Variants in BAZ2A observed in about 807,000 individuals in gnomAD.
BAZ2A encodes the protein bromodomain adjacent to zinc finger domain 2A, also known as bromodomain adjacent to zinc finger domain protein 2A.
BAZ2A carries 34 observed loss-of-function variants against 199.9 expected under a neutral mutation model. The ratio of observed to expected loss-of-function variants is 0.17; its 90% CI spans 0.13 to 0.23. The LOEUF (loss-of-function observed/expected upper bound fraction) is 0.23. Ranked by LOEUF, BAZ2A falls within the 10% of genes least tolerant of loss-of-function variation. BAZ2A has a pLI of 1.00. For synonymous variants in BAZ2A, 857 were observed against 883.9 expected (o/e 0.97, Z 0.54); for missense variants, 2,002 against 2,391.1 (o/e 0.84, Z 3.39).
rs766386574 is a variant in BAZ2A at position 56,600,188 on chromosome 12, G to A, written c.4892+13C>T. 5.5e-5 allele frequency: 89 copies of A among 1,612,446 alleles called. No homozygotes were observed. In the Middle Eastern group the frequency reaches 1.2e-3, roughly 21 times the overall value. On this transcript the variant is annotated intron_variant, in intron 24 of 28. Coordinates refer to ENST00000549884, the MANE Select transcript of BAZ2A (RefSeq NM_001300905.2). ...CTCTCCAAGACCAAGAATGGAGGGT[G>A]GGAGTCACTCACATCTCTGTAGTGG... is the stretch of plus-strand genomic sequence containing the variant.
rs768952335 is a variant in BAZ2A at position 56,603,522 on chromosome 12, C to T, written c.3217G>A (p.Glu1073Lys). 1 of 1,613,890 alleles carries T rather than the reference C, an allele frequency of 6.2e-7. No homozygotes were observed. Among genetic ancestry groups the T allele is most frequent in the African/African-American group, 1.3e-5 (1 of 74,922 alleles). The change falls in exon 17 of 29, where the codon GAG (glutamate) becomes AAG (lysine). Residue 1073 changes from glutamate (E) to lysine (K), a missense_variant and splice_region_variant. Glu to Lys is a moderately conservative substitution (Grantham distance 56). This residue lies in a region of BAZ2A where 1,081 missense variants were observed against 1,274.7 expected (regional missense o/e 0.85). Transcript: ENST00000549884. ...TTTCCTTGATCTTGGGCCAGTACCTCTCCATCTCTTCGACCCCTGCGGCCA... is the reference window on the plus strand; with the variant it reads ...TTTCCTTGATCTTGGGCCAGTACCTTTCCATCTCTTCGACCCCTGCGGCCA... ...VPGRRGRRDG[E>K]VDATASSIPE...
At chr12:56,629,585 T>C (rs1951226317) in intron 1 of BAZ2A, among the ~76,000 whole-genome samples, 1 of 151,954 alleles carries the variant, frequency 6.6e-6, no homozygotes, top group Non-Finnish European at 1.5e-5. Flanking sequence ...AGGAAGGCCC[T>C]CTCCTGATCT....
At chr12:56,605,479 T>A (rs1445449427) in intron 13 of BAZ2A, 152 bp from the exon 14 acceptor site, 1 of 849,820 alleles carries the variant, frequency 1.2e-6, no homozygotes, top group Non-Finnish European at 1.7e-6. Flanking sequence ...TGGAGTGCAG[T>A]GGCATGATCT....
At position 56,606,028 on chromosome 12, in the gene BAZ2A, T is replaced by C; in HGVS notation, c.2295A>G (p.Lys765=). ...EKEKGKTKQE[K]LKEKVKREKK... ...TTTCCCTCTTGACTTTTTCCTTCAGTTTTTCCTGCTTTGTCTTTCCTTTTT... is the reference window on the plus strand; with the variant it reads ...TTTCCCTCTTGACTTTTTCCTTCAGCTTTTCCTGCTTTGTCTTTCCTTTTT... The change falls in exon 13 of 29, where the codon AAA becomes AAG. Residue 765 remains lysine, a synonymous_variant. Transcript: ENST00000549884. The C allele has an allele frequency of 6.4e-7, 1 of 1,551,900 alleles. No individual in the cohort carries two copies. Among genetic ancestry groups the C allele is most frequent in the South Asian group, 1.2e-5 (1 of 84,062 alleles).
rs751377430 is a variant in BAZ2A at position 56,599,016 on chromosome 12, C to A, written c.5403-5G>T. ...TCCATCTCCATCAGGATAATCCTAT[C>A]ATTAGAGGGACAATGATGGCTCCAT... is the stretch of plus-strand genomic sequence containing the variant. On this transcript the variant is annotated splice_region_variant and splice_polypyrimidine_tract_variant and intron_variant, in intron 27 of 28. Transcript: ENST00000549884. 3.2e-5 allele frequency: 51 copies of A among 1,610,544 alleles called. No individual in the cohort carries two copies. In the South Asian group the frequency reaches 5.5e-4, roughly 17 times the overall value.
Position 56,598,942 on chromosome 12 carries a change from C to T in BAZ2A, c.5472G>A (p.Leu1824=). The change falls in exon 28 of 29, where the codon TTG becomes TTA. Residue 1824 remains leucine, a synonymous_variant. Transcript: ENST00000549884. The stretch of plus-strand genomic sequence containing the variant: ...TGATGATGCGCCGGTACCCACTCAC[C>T]AAACGTGGGTTCACAGGCTCTAGGA... The part of the protein sequence containing the change: ...WPFLEPVNPR[L]VSGYRRIIKN... 6.2e-7 allele frequency: 1 copy of T among 1,608,794 alleles called. No individual in the cohort carries two copies. Among genetic ancestry groups the T allele is most frequent in the Non-Finnish European group, 8.5e-7 (1 of 1,177,662 alleles).
upstream of BAZ2A, chr12:56,630,773 C>T: frequency 1.0e-6 from 1 of 985,478 alleles, no homozygotes; most frequent in Non-Finnish European, 1.2e-6. Context: ...GCCACCCACT[C>T]ACCTCTGTCC....
At chr12:56,633,579 C>T (rs1951370436), upstream of BAZ2A, among the ~76,000 whole-genome samples, 3 of 152,272 alleles carry the variant, frequency 2.0e-5, no homozygotes, top group Admixed American at 6.5e-5. Flanking sequence ...ATCTGTCTAG[C>T]AGGGAGATGG....
chr12:56,610,653 C>T lies in BAZ2A; in HGVS notation c.1671-136G>A, dbSNP rs1195215849. 8.2e-6 allele frequency: 6 copies of T among 733,134 alleles called. No homozygotes were observed. In the African/African-American group the frequency reaches 1.1e-4, roughly 13 times the overall value. 45.4% of individuals were successfully genotyped at this position (733,134 alleles called of 1,614,324 possible). The stretch of plus-strand genomic sequence containing the variant: ...AGAACTGCATGCAGATGCAAAAGCA[C>T]CAAGAGAGATAAGCTTGGCTAGAAG... On this transcript the variant is annotated intron_variant, in intron 7 of 28. Transcript: ENST00000549884.
chr12:56,605,952 G>C lies in BAZ2A; in HGVS notation c.2371C>G (p.Pro791Ala). 6.4e-7 allele frequency: 1 copy of C among 1,557,438 alleles called. No homozygotes were observed. Reference sequence around the variant, plus strand: ...AGGGTCTTATCTGCTTTACAGGCTGGCTTGGCTTTGGTCACCTCCTCCTTT... The same window carrying C: ...AGGGTCTTATCTGCTTTACAGGCTGCCTTGGCTTTGGTCACCTCCTCCTTT... Reference protein sequence around the residue: ...KEKEEVTKAKPACKADKTLAT... With the variant: ...KEKEEVTKAKAACKADKTLAT... Residue 791 changes from proline (P) to alanine (A), a missense_variant, in exon 13 of 29, where the codon CCA (proline) becomes GCA (alanine). This residue lies in a region of BAZ2A where 1,081 missense variants were observed against 1,274.7 expected (regional missense o/e 0.85). Coordinates refer to ENST00000549884, the MANE Select transcript of BAZ2A (RefSeq NM_001300905.2).
chr12:56,601,405 G>A lies in BAZ2A; in HGVS notation c.4072-3C>T. The A allele has an allele frequency of 1.9e-6, 3 of 1,611,776 alleles. No homozygotes were observed. Among genetic ancestry groups the A allele is most frequent in the Non-Finnish European group, 2.5e-6 (3 of 1,178,802 alleles). ...TTGGCAGCACTAGGTCTATTCATCT[G>A]TGAATAAAATGAGACATAAGGAAAT... On this transcript the variant is annotated splice_polypyrimidine_tract_variant and splice_region_variant and intron_variant, in intron 20 of 28. Coordinates refer to ENST00000549884, the MANE Select transcript of BAZ2A (RefSeq NM_001300905.2).
In BAZ2A at chr12:56,606,715, T is replaced by G; in HGVS notation, c.2111A>C (p.Asp704Ala). The change falls in exon 11 of 29, where the codon GAT becomes GCT. Residue 704 changes from aspartate to alanine, a missense_variant. Around this residue, in one of 6 missense-constraint regions of BAZ2A, gnomAD observed 1,081 missense variants for 1,274.7 expected, o/e 0.85. Coordinates refer to ENST00000549884, the MANE Select transcript of BAZ2A (RefSeq NM_001300905.2). ...CTTGCTTTTAGCAATCTTTGCTTTA[T>G]CCTCCTCATTCAATGTTTCTGTGAG... ...LEAQETLNEEDKAKIAKSKKK... is the reference protein window; with the variant it reads ...LEAQETLNEEAKAKIAKSKKK... 1 of 1,613,886 alleles carries G rather than the reference T, an allele frequency of 6.2e-7. No homozygotes were observed. The highest frequency in any genetic ancestry group is 8.5e-7 in the Non-Finnish European group (1 of 1,179,826).
Position 56,604,622 on chromosome 12 carries a change from G to A in BAZ2A, c.2926C>T (p.Leu976Phe). ...PQQKAAVLAF[L>F]VHELNGSTLI... ...GTGGAGCCATTGAGCTCATGCACAAGGAAGGCCAGGACAGCAGCCTTCTGC... is the reference window on the plus strand; with the variant it reads ...GTGGAGCCATTGAGCTCATGCACAAAGAAGGCCAGGACAGCAGCCTTCTGC... Residue 976 changes from leucine to phenylalanine, a missense_variant, in exon 15 of 29, where the codon CTT becomes TTT. By Grantham distance (22) the Leu-to-Phe change is conservative. Around this residue, in one of 6 missense-constraint regions of BAZ2A, gnomAD observed 1,081 missense variants for 1,274.7 expected, o/e 0.85. Coordinates refer to ENST00000549884, the MANE Select transcript of BAZ2A (RefSeq NM_001300905.2). 6.2e-7 allele frequency: 1 copy of A among 1,603,346 alleles called. No individual in the cohort carries two copies. The highest frequency in any genetic ancestry group is 1.7e-4 in the Middle Eastern group (1 of 6,052).
Position 56,615,486 on chromosome 12 carries a change from G to C in BAZ2A, c.258C>G (p.Ala86=). The C allele has an allele frequency of 6.2e-7, 1 of 1,613,568 alleles. No homozygotes were observed. Among genetic ancestry groups the C allele is most frequent in the Non-Finnish European group, 8.5e-7 (1 of 1,179,872 alleles). ...GTGAGTAGTTCCAGAGACAGTCGTA[G>C]GCCACGCTGGGGTGATGGAGGTGTG... The part of the protein sequence containing the change: ...STSHLHHPSV[A]YDCLWNYSQY... The change falls in exon 3 of 29, where the codon GCC becomes GCG. Residue 86 remains alanine, a synonymous_variant. Coordinates refer to ENST00000549884, the MANE Select transcript of BAZ2A (RefSeq NM_001300905.2).
At chr12:56,608,099 C>T (rs756353040) in intron 10 of BAZ2A, among the ~76,000 whole-genome samples, 1 of 145,408 alleles carries the variant, frequency 6.9e-6, no homozygotes, top group Non-Finnish European at 1.5e-5. Context: ...AAGGGCCAGG[C>T]GTGGGGGCTA....
At position 56,613,212 on chromosome 12, in the gene BAZ2A, T is replaced by C. The variant is rs1950616562; in HGVS notation, c.938A>G (p.Tyr313Cys). ...LAPEPVSGGL[Y>C]GIDDTELMGA... is the part of the protein sequence containing the mutation. Reference sequence around the variant, plus strand: ...CATCAGCTCCGTGTCATCAATACCATATAGTCCTCCACTCACTGGCTCTGT... The same window carrying C: ...CATCAGCTCCGTGTCATCAATACCACATAGTCCTCCACTCACTGGCTCTGT... The change falls in exon 5 of 29, where the codon TAT (tyrosine) becomes TGT (cysteine). Residue 313 changes from tyrosine (Y) to cysteine (C), a missense_variant. By Grantham distance (194) the Tyr-to-Cys change is radical (BLOSUM62 -2). Transcript: ENST00000549884. 1.2e-6 allele frequency: 2 copies of C among 1,613,958 alleles called. No homozygotes were observed. Among genetic ancestry groups the C allele is most frequent in the Non-Finnish European group, 1.7e-6 (2 of 1,179,884 alleles).
intron 4 of BAZ2A, among the ~76,000 whole-genome samples, 154 bp downstream of exon 4, chr12:56,613,799 A>G (rs2137042840): frequency 6.6e-6 from 1 of 152,352 alleles, no homozygotes; most frequent in African/African-American, 2.4e-5. Context: ...TAGGGCACCA[A>G]GTCCTGTGGC....
At position 56,601,845 on chromosome 12, in the gene BAZ2A, T is replaced by C; in HGVS notation, c.3772A>G (p.Ser1258Gly). The C allele has an allele frequency of 6.2e-7, 1 of 1,613,946 alleles. No homozygotes were observed. The highest frequency in any genetic ancestry group is 8.5e-7 in the Non-Finnish European group (1 of 1,179,882). The change falls in exon 20 of 29, where the codon AGC becomes GGC. Residue 1258 changes from serine (S) to glycine (G), a missense_variant. Ser to Gly is a moderately conservative substitution (Grantham distance 56). This residue lies in a region of BAZ2A where 1,081 missense variants were observed against 1,274.7 expected (regional missense o/e 0.85). Transcript: ENST00000549884. Reference sequence around the variant, plus strand: ...GCTGACTGGCTGAGGTCATGCTGGCTCTGACCCAGTGACAAAGGGGAGCCT... The same window carrying C: ...GCTGACTGGCTGAGGTCATGCTGGCCCTGACCCAGTGACAAAGGGGAGCCT... ...QEGSPLSLGQ[S>G]QHDLSQSAFL... is the part of the protein sequence containing the mutation.
At position 56,601,896 on chromosome 12, in the gene BAZ2A, A is replaced by ACTGAAG. The variant is rs747483944; in HGVS notation, c.3715_3720dup (p.Leu1239_Gln1240dup). 30 of 1,611,196 alleles carry ACTGAAG rather than the reference A, an allele frequency of 1.9e-5. No homozygotes were observed. The highest frequency in any genetic ancestry group is 6.8e-5 in the Admixed American group (4 of 59,010). ...TCTTGCTCCAGGAACCCCTTATGGG[A>ACTGAAG]CTGAAGCTGAAGCTGAAGCTGAGGC... On this transcript the variant is annotated inframe_insertion, in exon 20 of 29. Coordinates refer to ENST00000549884, the MANE Select transcript of BAZ2A (RefSeq NM_001300905.2).
Sources: gnomAD v4.1 joint callset for allele counts (sites outside exome capture counted in the v4.1 genomes callset) on GRCh38, gnomAD v4.1.1 for gene constraint, gnomAD v4.1.1 regional missense constraint, MANE v1.5 for transcripts, NCBI Gene and HGNC (gene_info 2026-07-23, HGNC 2026-07-21) for gene names.